Variants in ATRNL1 observed in about 807,000 individuals in gnomAD.
ATRNL1 encodes attractin like 1, also known as attractin-like protein 1.
ATRNL1 carries 95 observed loss-of-function variants against 182.7 expected under a neutral mutation model. The observed-to-expected ratio is 0.52, with a 90% CI of 0.44 to 0.62. The LOEUF is 0.62. Among genes scored for constraint, ATRNL1 ranks in the 20% least tolerant of loss-of-function variants. The pLI is 0.00. For synonymous variants in ATRNL1, 576 were observed against 568.3 expected, an observed-to-expected ratio of 1.01 and a Z score of -0.19; for missense variants, 1,471 against 1,679.5, an observed-to-expected ratio of 0.88 and a Z score of 2.17.
intron 19 of ATRNL1, among the ~76,000 whole-genome samples, chr10:115,380,670 T>A (rs1240935764): frequency 6.6e-6 from 1 of 152,212 alleles, no homozygotes; most frequent in Non-Finnish European, 1.5e-5. Flanking sequence ...TGTAGTGTAA[T>A]AAAGGTTCAT....
At chr10:115,524,511 A>G (rs991280209) in intron 25 of ATRNL1, among the ~76,000 whole-genome samples, 1 of 152,214 alleles carries the variant, frequency 6.6e-6, no homozygotes, top group African/African-American at 2.4e-5. Context: ...TTTGGTAGAG[A>G]CTACTATCCC....
chr10:115,315,322 T>G (rs546639590), intron 17 of ATRNL1, among the ~76,000 whole-genome samples, 196 bp from the exon 18 acceptor site: 1 of 152,334 alleles, frequency 6.6e-6, no homozygotes, highest in South Asian at 2.1e-4. Context: ...CCTGTTTATC[T>G]CCTCTTTGTT....
chr10:115,472,431 G>A (rs1664228587), intron 24 of ATRNL1, among the ~76,000 whole-genome samples: 1 of 150,860 alleles, frequency 6.6e-6, no homozygotes, highest in African/African-American at 2.4e-5. Context: ...AGAACACTTT[G>A]GGTAGTGTGG....
At position 115,581,215 on chromosome 10, in the gene ATRNL1, C is replaced by T. The variant is rs1163100773; in HGVS notation, c.3795+31679C>T. Among the ~76,000 whole-genome samples, 3 of 152,194 alleles carry T rather than the reference C, an allele frequency of 2.0e-5. No individual in the cohort carries two copies. The East Asian group carries it at 5.8e-4, about 29-fold the overall frequency. On this transcript the variant is annotated intron_variant, in intron 26 of 28. Transcript: ENST00000355044. ...TCAATTCAGCAAGAGATTCTAGGTG[C>T]CCCAACTTTTATGCTTATCTTAATC...
At chr10:115,633,131 G>A (rs1172371864) in intron 26 of ATRNL1, among the ~76,000 whole-genome samples, 5 of 151,998 alleles carry the variant, frequency 3.3e-5, no homozygotes, top group African/African-American at 1.2e-4. Context: ...GGCTGGCCTC[G>A]AACTCCTCAC....
At chr10:115,296,501 G>A (rs1404594149) in intron 15 of ATRNL1, among the ~76,000 whole-genome samples, 1 of 152,158 alleles carries the variant, frequency 6.6e-6, no homozygotes, top group African/African-American at 2.4e-5. Context: ...ATTAATATTA[G>A]CATGTATATT....
At chr10:115,228,885 C>A (rs1554899311) in intron 9 of ATRNL1, among the ~76,000 whole-genome samples, 1 of 151,336 alleles carries the variant, frequency 6.6e-6, no homozygotes, top group Non-Finnish European at 1.5e-5. Flanking sequence ...CTTGCCTTGG[C>A]CTCCTGAGTA....
chr10:115,133,265 G>A (rs994364377), intron 5 of ATRNL1, among the ~76,000 whole-genome samples: 4 of 151,928 alleles, frequency 2.6e-5, no homozygotes, highest in Admixed American at 1.3e-4. Flanking sequence ...TATTTCTGAG[G>A]GCTCTGTTCT....
intron 18 of ATRNL1, among the ~76,000 whole-genome samples, chr10:115,329,431 C>T (rs1435738526): frequency 6.6e-6 from 1 of 151,856 alleles, no homozygotes; most frequent in Non-Finnish European, 1.5e-5. Flanking sequence ...TCAGTGTTTC[C>T]CCATATATTT....
chr10:115,205,922 G>T (rs1293472779), intron 8 of ATRNL1, among the ~76,000 whole-genome samples: 2 of 152,018 alleles, frequency 1.3e-5, no homozygotes, highest in African/African-American at 2.4e-5. Context: ...CATATCTATT[G>T]TTATTTCCTC....
intron 19 of ATRNL1, among the ~76,000 whole-genome samples, chr10:115,369,934 T>C (rs941944170): frequency 6.6e-6 from 1 of 152,230 alleles, no homozygotes; most frequent in African/African-American, 2.4e-5. Flanking sequence ...AAATCTCATC[T>C]TGAATTGGAG....
At chr10:115,438,365 G>A (rs910144171) in intron 21 of ATRNL1, among the ~76,000 whole-genome samples, 2 of 152,014 alleles carry the variant, frequency 1.3e-5, no homozygotes, top group South Asian at 2.1e-4. Context: ...TGTTGCAAGA[G>A]TAAAGCAAAT....
chr10:115,285,594 CATT>C (rs768233584), intron 14 of ATRNL1, among the ~76,000 whole-genome samples: 31 of 151,946 alleles, frequency 2.0e-4, no homozygotes, highest in Admixed American at 1.4e-3. Context: ...ATAGATAAAC[CATT>C]ATTACTGAAC....
At chr10:115,829,713 T>C (rs999311654) in intron 27 of ATRNL1, among the ~76,000 whole-genome samples, 4 of 152,112 alleles carry the variant, frequency 2.6e-5, no homozygotes, top group African/African-American at 9.7e-5. Flanking sequence ...AGGGATTTTC[T>C]TTTCCTTTAT....
At chr10:115,816,818 T>C (rs1417268966) in intron 27 of ATRNL1, among the ~76,000 whole-genome samples, 3 of 152,134 alleles carry the variant, frequency 2.0e-5, no homozygotes, top group Non-Finnish European at 2.9e-5. Flanking sequence ...AGAAAGAAAA[T>C]TGGTAACTCT....
intron 3 of ATRNL1, among the ~76,000 whole-genome samples, chr10:115,127,063 T>C (rs1038190930): frequency 6.6e-5 from 10 of 152,202 alleles, no homozygotes; most frequent in Non-Finnish European, 1.2e-4. Context: ...AAAGTCTATA[T>C]AGTTTTAAAT....
At chr10:115,153,404 A>C (rs1053454597) in intron 5 of ATRNL1, among the ~76,000 whole-genome samples, 7 of 151,178 alleles carry the variant, frequency 4.6e-5, no homozygotes, top group South Asian at 2.1e-4. Flanking sequence ...AGCCTGGTCT[A>C]TTCAGGGATT....
chr10:115,666,661 T>C (rs1555039765), intron 26 of ATRNL1, among the ~76,000 whole-genome samples: 1 of 152,154 alleles, frequency 6.6e-6, no homozygotes, highest in Non-Finnish European at 1.5e-5. Flanking sequence ...TAAAGTTAGT[T>C]AAAATTAAAT....
At chr10:115,209,415 T>G (rs1461240747) in intron 8 of ATRNL1, among the ~76,000 whole-genome samples, 1 of 149,658 alleles carries the variant, frequency 6.7e-6, no homozygotes, top group East Asian at 2.0e-4. Flanking sequence ...AAAGCATTTT[T>G]TATTTTGTTT....
Sources: allele counts gnomAD v4.1 joint callset (sites outside exome capture counted in the v4.1 genomes callset), GRCh38; gene constraint gnomAD v4.1.1; transcripts MANE v1.5; gene names NCBI Gene and HGNC (gene_info 2026-07-23, HGNC 2026-07-21).